RALGAPB: variants seen among roughly 807,000 people sequenced by gnomAD.
RALGAPB encodes ral GTPase-activating protein subunit beta.
In RALGAPB, 25 loss-of-function variants were observed where a neutral mutation model predicts 161.1. The observed-to-expected ratio is 0.16, with a 90% CI of 0.11 to 0.22. RALGAPB has a LOEUF of 0.22. Among genes scored for constraint, RALGAPB ranks in the 10% least tolerant of loss-of-function variants. RALGAPB has a pLI of 1.00. For synonymous variants in RALGAPB, 629 were observed against 626.1 expected, an observed-to-expected ratio of 1.00 and a Z score of -0.07; for missense variants, 1,391 against 1,815.2, an observed-to-expected ratio of 0.77 and a Z score of 4.25.
In RALGAPB at chr20:38,548,903, AG is replaced by A. The variant is rs1409935194; in HGVS notation, c.3009+109del. The stretch of plus-strand genomic sequence containing the variant: ...AAATAAATATTTTTGATCCCTAGCC[AG>A]ATTCTCAGTCAGTGGGTTCATATCA... On this transcript the variant is annotated intron_variant, in intron 20 of 29. Coordinates refer to ENST00000262879, the MANE Select transcript of RALGAPB (RefSeq NM_020336.4). The A allele has an allele frequency of 4.4e-6, 4 of 909,932 alleles. No individual in the cohort carries two copies. In the Admixed American group the frequency reaches 8.4e-5, roughly 19 times the overall value. The allele number at this position is 909,932 out of a possible 1,614,324, so 56.4% of individuals were successfully genotyped here.
intron 21 of RALGAPB, 104 bp from the exon 22 acceptor site, chr20:38,553,763 A>G (rs2087466219): frequency 3.3e-6 from 3 of 908,518 alleles, no homozygotes; most frequent in Non-Finnish European, 3.2e-6. Context: ...CTTGGTCAAC[A>G]TAGAGCCCAG....
At chr20:38,475,901 G>A (rs1311641161) in intron 1 of RALGAPB, among the ~76,000 whole-genome samples, 1 of 152,106 alleles carries the variant, frequency 6.6e-6, no homozygotes, top group East Asian at 1.9e-4. Context: ...ACAGGCATTA[G>A]CCACCGTCCC....
chr20:38,542,648 C>T (rs1298913403), intron 18 of RALGAPB, among the ~76,000 whole-genome samples: 3 of 152,022 alleles, frequency 2.0e-5, no homozygotes, highest in Non-Finnish European at 2.9e-5. Flanking sequence ...GAGGCCGAGG[C>T]GGGTGGATCA....
At chr20:38,539,681 C>CCT (rs1725422042) in intron 16 of RALGAPB, 95 bp from the exon 17 acceptor site, 2 of 1,171,966 alleles carry the variant, frequency 1.7e-6, no homozygotes, top group Admixed American at 2.2e-5. Context: ...TAGTGTATGA[C>CCT]ATTGTCAAAT....
At chr20:38,560,511 AGGTGGGCTGGG>A (rs1423816444) in intron 23 of RALGAPB, among the ~76,000 whole-genome samples, 3 of 152,188 alleles carry the variant, frequency 2.0e-5, no homozygotes, top group Admixed American at 2.0e-4. Flanking sequence ...GCTTAAGAGA[AGGTGGGCTGGG>A]GGTAGCCAGA....
Position 38,515,507 on chromosome 20 carries a change from CTGTT to C in RALGAPB, c.873-681_873-678del, listed in dbSNP as rs143239932. On this transcript the variant is annotated intron_variant, in intron 6 of 29. Transcript: ENST00000262879. The stretch of plus-strand genomic sequence containing the variant: ...TGTTTTTTAATGGAAATATTTCAAA[CTGTT>C]TGTACATAAAATGTAATTCAAACAC... Among the ~76,000 whole-genome samples the C allele has an allele frequency of 7.1e-3, 1,082 of 152,250 alleles. 13 individuals carry two copies. Among genetic ancestry groups the C allele is most frequent in the African/African-American group, 0.025 (1,036 of 41,538 alleles).
intron 12 of RALGAPB, among the ~76,000 whole-genome samples, 171 bp from the exon 13 acceptor site, chr20:38,525,723 TA>T (rs2086443112): frequency 6.6e-6 from 1 of 152,126 alleles, no homozygotes; most frequent in South Asian, 2.1e-4. Flanking sequence ...TTCAAGCAGT[TA>T]TAGGCTAAGG....
chr20:38,530,891 A>AT (rs35946110), intron 13 of RALGAPB, among the ~76,000 whole-genome samples: 90,109 of 141,200 alleles, frequency 0.64, 32,669 homozygotes, highest in East Asian at 0.91. Flanking sequence ...GTGCCTGGCC[A>AT]TTTTTTTTTT....
In RALGAPB at chr20:38,567,161, A is replaced by G. The variant is rs1335262952; in HGVS notation, c.3883A>G (p.Ile1295Val). The G allele has an allele frequency of 1.9e-6, 3 of 1,613,668 alleles. No homozygotes were observed. Among genetic ancestry groups the G allele is most frequent in the African/African-American group, 2.7e-5 (2 of 74,908 alleles). The change falls in exon 26 of 30, where the codon ATT (isoleucine) becomes GTT (valine). Residue 1295 changes from isoleucine to valine, a missense_variant. Coordinates refer to ENST00000262879, the MANE Select transcript of RALGAPB (RefSeq NM_020336.4). ...TTCAAATATGGATCTTATGCCAGGAATTCTGAAACAGCCATCCCTGACACT... is the reference window on the plus strand; with the variant it reads ...TTCAAATATGGATCTTATGCCAGGAGTTCTGAAACAGCCATCCCTGACACT... The part of the protein sequence containing the change: ...SDSNMDLMPG[I>V]LKQPSLTLEL...
chr20:38,473,779 C>T (rs1160583747), intron 1 of RALGAPB, among the ~76,000 whole-genome samples: 1 of 152,212 alleles, frequency 6.6e-6, no homozygotes, highest in Non-Finnish European at 1.5e-5. Flanking sequence ...TTCTGATGCC[C>T]ATGTGGCATC....
At chr20:38,496,230 G>T (rs2122922068) in intron 3 of RALGAPB, among the ~76,000 whole-genome samples, 1 of 152,224 alleles carries the variant, frequency 6.6e-6, no homozygotes, top group East Asian at 1.9e-4. Context: ...GGAAAACTTA[G>T]TGGTGTCATT....
At chr20:38,475,777 G>A (rs533966599) in intron 1 of RALGAPB, among the ~76,000 whole-genome samples, 2 of 151,902 alleles carry the variant, frequency 1.3e-5, no homozygotes, top group Admixed American at 6.6e-5. Context: ...ACCACACCTG[G>A]CTAATTTTTT....
intron 5 of RALGAPB, 84 bp downstream of exon 5, chr20:38,499,717 A>C (rs1294380735): frequency 7.5e-7 from 1 of 1,329,302 alleles, no homozygotes; most frequent in African/African-American, 1.5e-5. Flanking sequence ...ATTATAACAA[A>C]GGCTGGGTCT....
intron 1 of RALGAPB, among the ~76,000 whole-genome samples, chr20:38,473,895 A>C (rs1003174345): frequency 6.6e-6 from 1 of 152,170 alleles, no homozygotes; most frequent in Non-Finnish European, 1.5e-5. Flanking sequence ...TGGGAACCGC[A>C]TGTAATTTGA....
intron 17 of RALGAPB, 116 bp from the exon 18 acceptor site, chr20:38,540,925 C>A: frequency 1.8e-6 from 2 of 1,084,522 alleles, no homozygotes; most frequent in South Asian, 1.8e-5. Context: ...AAGAAATTAC[C>A]AAGAAACTGG....
intron 20 of RALGAPB, among the ~76,000 whole-genome samples, chr20:38,549,942 C>T (rs1006310187): frequency 6.6e-6 from 1 of 152,144 alleles, no homozygotes; most frequent in African/African-American, 2.4e-5. Flanking sequence ...GGCACATATA[C>T]ACCATGGAAC....
At position 38,488,583 on chromosome 20, in the gene RALGAPB, G is replaced by A. The variant is rs762666905; in HGVS notation, c.151G>A (p.Ala51Thr). The change falls in exon 2 of 30, where the codon GCT (alanine) becomes ACT (threonine). Residue 51 changes from alanine to threonine, a missense_variant. Physicochemically the swap from Ala to Thr is moderately conservative, Grantham distance 58 (BLOSUM62 0). Transcript: ENST00000262879. ...GCAGGTGTTAGGTACCCCTTCAGTG[G>A]CTGGTAGTGAGAATTTGTTAAAAAC... ...LGQVLGTPSVAGSENLLKTDK... is the reference protein window; with the variant it reads ...LGQVLGTPSVTGSENLLKTDK... The A allele has an allele frequency of 6.2e-7, 1 of 1,613,058 alleles. No homozygotes were observed. The highest frequency in any genetic ancestry group is 8.5e-7 in the Non-Finnish European group (1 of 1,179,768).
chr20:38,532,851 G>T lies in RALGAPB; in HGVS notation c.2237G>T (p.Arg746Ile), dbSNP rs147786820. The T allele has an allele frequency of 1.2e-4, 197 of 1,613,930 alleles. No individual in the cohort carries two copies. The highest frequency in any genetic ancestry group is 1.6e-4 in the Middle Eastern group (1 of 6,084). Residue 746 changes from arginine (R) to isoleucine (I), a missense_variant, in exon 15 of 30, where the codon AGA (arginine) becomes ATA (isoleucine). By Grantham distance (97) the Arg-to-Ile change is moderately conservative. This residue lies in a region of RALGAPB where 946 missense variants were observed against 1,257.2 expected (regional missense o/e 0.75). Transcript: ENST00000262879. ...DSERPAQALL[R>I]DYALNTDSAA... Reference sequence around the variant, plus strand: ...GAGAGACCTGCTCAAGCTCTCTTAAGAGATTATGGTTAGTCGTGTTTCTTT... The same window carrying T: ...GAGAGACCTGCTCAAGCTCTCTTAATAGATTATGGTTAGTCGTGTTTCTTT...
chr20:38,484,353 G>A (rs1485299306), intron 1 of RALGAPB, among the ~76,000 whole-genome samples: 1 of 152,102 alleles, frequency 6.6e-6, no homozygotes, highest in African/African-American at 2.4e-5. Context: ...CCCAGCCCCA[G>A]CAACAAAGGT....
Sources: allele counts gnomAD v4.1 joint callset (sites outside exome capture counted in the v4.1 genomes callset), GRCh38; gene constraint gnomAD v4.1.1; regional missense constraint gnomAD v4.1.1; transcripts MANE v1.5; gene names NCBI Gene and HGNC (gene_info 2026-07-23, HGNC 2026-07-21).